Variants in LUZP2 observed in about 807,000 individuals in gnomAD.
LUZP2 encodes leucine zipper protein 2.
LUZP2 carries 52 observed loss-of-function variants against 51.6 expected under a neutral mutation model. The observed-to-expected ratio is 1.01, with a 90% CI of 0.81 to 1.27. LUZP2 has a LOEUF of 1.27. Ranked by LOEUF, LUZP2 falls within the 50% of genes most tolerant of loss-of-function variation. LUZP2 has a pLI of 0.00. For synonymous variants in LUZP2, 154 were observed against 137.3 expected, an observed-to-expected ratio of 1.12 and a Z score of -0.85; for missense variants, 436 against 395.4, an observed-to-expected ratio of 1.10 and a Z score of -0.87.
At chr11:24,561,366 ATTAT>A (rs1313892166) in intron 1 of LUZP2, among the ~76,000 whole-genome samples, 1 of 151,996 alleles carries the variant, frequency 6.6e-6, no homozygotes, top group African/African-American at 2.4e-5. Flanking sequence ...TATTTTATTA[ATTAT>A]TTTATAAAAT....
At chr11:24,836,067 G>A (rs1850852075) in intron 5 of LUZP2, among the ~76,000 whole-genome samples, 1 of 151,940 alleles carries the variant, frequency 6.6e-6, no homozygotes, top group Non-Finnish European at 1.5e-5. Flanking sequence ...GAGTTAAAGT[G>A]AGAAGAAATT....
chr11:24,786,076 G>A (rs980167578), intron 5 of LUZP2: 11 of 985,026 alleles, frequency 1.1e-5, no homozygotes, highest in East Asian at 1.1e-4. Context: ...ATTTTTCATC[G>A]GCTGGCACCT....
intron 7 of LUZP2, among the ~76,000 whole-genome samples, chr11:24,916,963 G>C (rs1265062532): frequency 2.0e-5 from 3 of 152,132 alleles, no homozygotes; most frequent in Admixed American, 2.0e-4. Context: ...GTGTTAAAGT[G>C]TTCCTATTTC....
intron 10 of LUZP2, among the ~76,000 whole-genome samples, chr11:25,051,324 AT>A (rs751718101): frequency 0.01 from 1,508 of 150,332 alleles, 32 homozygotes; most frequent in African/African-American, 0.033. Context: ...CTCAAAAAAA[AT>A]AAAAAAGAAA....
intron 9 of LUZP2, among the ~76,000 whole-genome samples, chr11:25,016,557 T>A (rs961494086): frequency 6.6e-6 from 1 of 152,050 alleles, no homozygotes; most frequent in African/African-American, 2.4e-5. Context: ...CACATACATA[T>A]CATGGTGTGG....
At chr11:24,667,750 C>T (rs564309030) in intron 1 of LUZP2, among the ~76,000 whole-genome samples, 2 of 152,178 alleles carry the variant, frequency 1.3e-5, no homozygotes, top group African/African-American at 2.4e-5. Flanking sequence ...TCTGGGTAAA[C>T]AGAATTTTAT....
rs1270555025 is a variant in LUZP2, at chr11:24,976,632, C to T, written c.564C>T (p.Ala188=). 6.4e-7 allele frequency: 1 copy of T among 1,553,364 alleles called. No individual in the cohort carries two copies. The highest frequency in any genetic ancestry group is 1.6e-5 in the African/African-American group (1 of 63,304). The change falls in exon 8 of 12, where the codon GCC becomes GCT. Residue 188 remains alanine, a synonymous_variant. Coordinates refer to ENST00000336930, the MANE Select transcript of LUZP2 (RefSeq NM_001009909.4). ...LTDLEQKLAV[A]KNELEKAALD... is the part of the protein sequence containing the mutation. ...ATCTGGAACAAAAATTAGCTGTAGC[C>T]AAAAATGAACTGGAGAAAGCAGCTC...
At chr11:24,590,033 T>C (rs1853206559) in intron 1 of LUZP2, among the ~76,000 whole-genome samples, 1 of 152,172 alleles carries the variant, frequency 6.6e-6, no homozygotes, top group South Asian at 2.1e-4. Flanking sequence ...TTTAAAATTG[T>C]TCTATTTTCT....
rs374473009 is a variant in LUZP2 at position 24,662,850 on chromosome 11, C to T, written c.63-66319C>T. Among the ~76,000 whole-genome samples, 108 of 152,074 alleles carry T rather than the reference C, an allele frequency of 7.1e-4. 3 individuals are homozygous for T. In the South Asian group the frequency reaches 0.015, roughly 21 times the overall value. ...GCAGAAGATAATGCTGAAGTATATG[C>T]AGTGGCAAGAAAAAATTATTTTTAC... On this transcript the variant is annotated intron_variant, in intron 1 of 11. Coordinates refer to ENST00000336930, the MANE Select transcript of LUZP2 (RefSeq NM_001009909.4).
At chr11:24,936,597 C>A (rs1397605301) in intron 7 of LUZP2, among the ~76,000 whole-genome samples, 1 of 151,492 alleles carries the variant, frequency 6.6e-6, no homozygotes, top group Non-Finnish European at 1.5e-5. Flanking sequence ...CATTCCTGAT[C>A]GTAGCTGTTT....
intron 9 of LUZP2, among the ~76,000 whole-genome samples, chr11:24,992,531 A>C (rs1856380743): frequency 6.6e-6 from 1 of 152,144 alleles, no homozygotes; most frequent in South Asian, 2.1e-4. Context: ...TCTTTTGCTC[A>C]CTAACATATA....
rs192303155 is a variant in LUZP2 at position 24,911,386 on chromosome 11, T to C, written c.460-3090T>C. Among the ~76,000 whole-genome samples the C allele has an allele frequency of 2.0e-5, 3 of 152,290 alleles. No individual in the cohort carries two copies. In the East Asian group the frequency reaches 5.8e-4, roughly 29 times the overall value. ...TTTTTGTTTTTACCCAAATCTCACC[T>C]TGATTTGTAATCCCATAATCTCCAC... On this transcript the variant is annotated intron_variant, in intron 6 of 11. Coordinates refer to ENST00000336930, the MANE Select transcript of LUZP2 (RefSeq NM_001009909.4).
chr11:24,654,970 T>C (rs1855757887), intron 1 of LUZP2, among the ~76,000 whole-genome samples: 1 of 152,248 alleles, frequency 6.6e-6, no homozygotes, highest in South Asian at 2.1e-4. Flanking sequence ...GTTCCTATAA[T>C]AAACATAAAA....
intron 5 of LUZP2, among the ~76,000 whole-genome samples, chr11:24,874,544 C>A (rs1852186361): frequency 6.6e-6 from 1 of 152,110 alleles, no homozygotes; most frequent in Non-Finnish European, 1.5e-5. Flanking sequence ...CGGATGTTGA[C>A]CTCGGCCTGT....
chr11:25,056,679 T>C (rs570990726), intron 10 of LUZP2, among the ~76,000 whole-genome samples: 2 of 152,306 alleles, frequency 1.3e-5, no homozygotes, highest in East Asian at 3.9e-4. Context: ...AGTCAACTGG[T>C]AAAACTGCTT....
chr11:25,012,972 A>C (rs76467169), intron 9 of LUZP2, among the ~76,000 whole-genome samples: 2,733 of 152,302 alleles, frequency 0.018, 42 homozygotes, highest in South Asian at 0.084. Context: ...AATCAACCTA[A>C]GTGTCCATCA....
chr11:24,902,530 A>C (rs188229644), intron 5 of LUZP2, among the ~76,000 whole-genome samples: 1 of 152,194 alleles, frequency 6.6e-6, no homozygotes, highest in East Asian at 1.9e-4. Flanking sequence ...CTTTATCAAA[A>C]CTCTAGCTTC....
rs71041774 is a variant in LUZP2 at position 24,543,823 on chromosome 11, C to CAAAA, written c.62+46537_62+46540dup. Among the ~76,000 whole-genome samples the CAAAA allele has an allele frequency of 3.2e-3, 241 of 75,316 alleles. 26 individuals are homozygous for CAAAA. Among genetic ancestry groups the CAAAA allele is most frequent in the African/African-American group, 9.2e-3 (155 of 16,844 alleles). 49.4% of individuals were successfully genotyped at this position (75,316 alleles called of 152,430 possible). On this transcript the variant is annotated intron_variant, in intron 1 of 11. Transcript: ENST00000336930. The stretch of plus-strand genomic sequence containing the variant: ...GGTGACAGACTGAGACTCTGTCTCA[C>CAAAA]AAAAAAAAAAAAAAAAAAAAAAGAT...
intron 1 of LUZP2, among the ~76,000 whole-genome samples, chr11:24,620,408 T>C (rs2133904709): frequency 6.6e-6 from 1 of 152,328 alleles, no homozygotes; most frequent in South Asian, 2.1e-4. Context: ...ACTTCTGACT[T>C]TTCTAATATT....
Sources: allele counts gnomAD v4.1 joint callset (sites outside exome capture counted in the v4.1 genomes callset), GRCh38; gene constraint gnomAD v4.1.1; transcripts MANE v1.5; gene names NCBI Gene and HGNC (gene_info 2026-07-23, HGNC 2026-07-21).